The following APEH variants were observed in gnomAD, a reference collection of about 807,000 sequenced individuals.
APEH encodes acylaminoacyl-peptide hydrolase.
A neutral mutation model predicts 102.7 loss-of-function variants in APEH; 75 were observed. The observed-to-expected ratio is 0.73, with a 90% CI of 0.61 to 0.89. APEH has a LOEUF of 0.89. Ranked by LOEUF, APEH falls within the 40% of genes least tolerant of loss-of-function variation. The pLI is 0.00. For synonymous variants in APEH, 344 were observed against 362.7 expected, an observed-to-expected ratio of 0.95 and a Z score of 0.59; for missense variants, 863 against 941.2, an observed-to-expected ratio of 0.92 and a Z score of 1.09.
upstream of APEH, chr3:49,674,211 G>T (rs112009070): frequency 1.8e-3 from 1,267 of 706,828 alleles, 18 homozygotes; most frequent in African/African-American, 0.022. Context: ...CTCGCTCCCA[G>T]GCCGGGTCCT....
intron 1 of APEH, 32 bp downstream of exon 1, chr3:49,674,445 C>T (rs1559627596): frequency 1.9e-6 from 3 of 1,573,102 alleles, no homozygotes; most frequent in African/African-American, 1.3e-5. Context: ...CCCGTGGTCC[C>T]TGCAGCCCGG....
chr3:49,675,385 G>A, intron 3 of APEH, 76 bp downstream of exon 3: 1 of 1,570,162 alleles, frequency 6.4e-7, no homozygotes, highest in Non-Finnish European at 8.7e-7. Flanking sequence ...TGCTCACCAT[G>A]TGCCTAGAAG....
rs763991113 is a variant in APEH, at chr3:49,681,193, C to T, written c.1392C>T (p.Gly464=). 1.8e-5 allele frequency: 29 copies of T among 1,609,160 alleles called. No homozygotes were observed. The highest frequency in any genetic ancestry group is 2.4e-5 in the Non-Finnish European group (28 of 1,177,258). Residue 464 remains glycine (G), a synonymous_variant, in exon 15 of 22, where the codon GGC becomes GGT. Transcript: ENST00000296456. ...EAEPIPDIHW[G]IRVLQPPPEQ... ...AGCCCATTCCCGACATCCACTGGGG[C>T]ATCCGGGTGCTACAGCCACCCCCAG...
At chr3:49,675,672 C>G in intron 3 of APEH, 22 bp from the exon 4 acceptor site, 1 of 1,599,748 alleles carries the variant, frequency 6.3e-7, no homozygotes, top group African/African-American at 1.3e-5. Flanking sequence ...TAATCCTGAC[C>G]TGTGCTACCC....
intron 3 of APEH, 131 bp from the exon 4 acceptor site, chr3:49,675,563 G>A: frequency 9.8e-7 from 1 of 1,024,540 alleles, no homozygotes; most frequent in Non-Finnish European, 1.5e-6. Flanking sequence ...AAGGCAAGGT[G>A]GGGCTAGAGG....
At position 49,683,192 on chromosome 3, in the gene APEH, CAGG is replaced by C. The variant is rs1199823166; in HGVS notation, c.2094-40_2094-38del. ...CTGGCAGCTGGTGGGCAGGTGAGCA[CAGG>C]AGGACCCTCCAACCTTAAATGTTGC... On this transcript the variant is annotated intron_variant, in intron 21 of 21. Coordinates refer to ENST00000296456, the MANE Select transcript of APEH (RefSeq NM_001640.4). 13 of 1,609,834 alleles carry C rather than the reference CAGG, an allele frequency of 8.1e-6. No homozygotes were observed. The African/African-American group carries it at 1.7e-4, about 22-fold the overall frequency.
Position 49,682,609 on chromosome 3 carries a change from G to T in APEH, c.1756G>T (p.Gly586Cys). 2 of 1,614,128 alleles carry T rather than the reference G, an allele frequency of 1.2e-6. No homozygotes were observed. Among genetic ancestry groups the T allele is most frequent in the Non-Finnish European group, 1.7e-6 (2 of 1,180,028 alleles). Reference protein sequence around the residue: ...FDASHVALMGGSHGGFISCHL... With the variant: ...FDASHVALMGCSHGGFISCHL... ...TGCAAGCCATGTGGCCCTTATGGGTGGTTCCCATGGTGGCTTCATTTCCTG... is the reference window on the plus strand; with the variant it reads ...TGCAAGCCATGTGGCCCTTATGGGTTGTTCCCATGGTGGCTTCATTTCCTG... Residue 586 changes from glycine to cysteine, a missense_variant, in exon 19 of 22, where the codon GGT (glycine) becomes TGT (cysteine). By Grantham distance (159) the Gly-to-Cys change is radical. Coordinates refer to ENST00000296456, the MANE Select transcript of APEH (RefSeq NM_001640.4).
rs1466071339 is a variant in APEH, at chr3:49,676,442, T to C, written c.671T>C (p.Leu224Pro). Residue 224 changes from leucine (L) to proline (P), a missense_variant, in exon 7 of 22, where the codon CTC becomes CCC. Leu to Pro is a moderately conservative substitution (Grantham distance 98, BLOSUM62 -3). Coordinates refer to ENST00000296456, the MANE Select transcript of APEH (RefSeq NM_001640.4). ...ENMVSKSIPV[L>P]CVLDVESGNI... ...ATGGTTTCCAAAAGCATCCCTGTGC[T>C]CTGCGTGCTGGATGTCGAGAGTGGC... The C allele has an allele frequency of 6.2e-7, 1 of 1,614,264 alleles. No individual in the cohort carries two copies. The highest frequency in any genetic ancestry group is 1.7e-5 in the Admixed American group (1 of 60,038).
At chr3:49,673,801 CCTCACGCTCACG>C (rs3834791), upstream of APEH, among the ~76,000 whole-genome samples, 2,116 of 145,682 alleles carry the variant, frequency 0.015, 44 homozygotes, top group African/African-American at 0.043. Flanking sequence ...CAACCCTCAC[CCTCACGCTCACG>C]CTCACGCTCA....
chr3:49,673,779 C>T (rs1310111172), upstream of APEH, among the ~76,000 whole-genome samples: 1 of 149,272 alleles, frequency 6.7e-6, no homozygotes, highest in African/African-American at 2.4e-5. Flanking sequence ...CTGCGGCCGG[C>T]TCCGCCCCGC....
At chr3:49,678,047 C>T (rs1313965502) in intron 11 of APEH, among the ~76,000 whole-genome samples, 3 of 152,166 alleles carry the variant, frequency 2.0e-5, no homozygotes, top group Admixed American at 1.3e-4. Context: ...GATATTATCC[C>T]ATCCACCATC....
intron 3 of APEH, 131 bp from the exon 4 acceptor site, chr3:49,675,562 TG>T (rs2052992538): frequency 9.7e-7 from 1 of 1,025,742 alleles, no homozygotes; most frequent in Non-Finnish European, 1.5e-6. Flanking sequence ...AAAGGCAAGG[TG>T]GGGCTAGAGG....
intron 4 of APEH, 36 bp downstream of exon 4, chr3:49,675,823 A>G (rs1225966019): frequency 1.2e-6 from 2 of 1,612,814 alleles, no homozygotes; most frequent in South Asian, 1.1e-5. Context: ...GGGTGACAAG[A>G]GAGAGGCTCT....
chr3:49,681,772 A>G lies in APEH; in HGVS notation c.1489A>G (p.Lys497Glu). Residue 497 changes from lysine (K) to glutamate (E), a missense_variant, in exon 16 of 22, where the codon AAG (lysine) becomes GAG (glutamate). Lys to Glu is a moderately conservative substitution (Grantham distance 56). Transcript: ENST00000296456. ...GCTGCAGCCTGGCAGCCCTCCAGAT[A>G]AGACCCAAGTGCCCATGGTGGTCAT... ...ILLQPGSPPD[K>E]TQVPMVVMPH... 1 of 1,610,252 alleles carries G rather than the reference A, an allele frequency of 6.2e-7. No homozygotes were observed. Among genetic ancestry groups the G allele is most frequent in the South Asian group, 1.1e-5 (1 of 90,620 alleles).
In APEH at chr3:49,677,569, G is replaced by A. The variant is rs866520941; in HGVS notation, c.1000-4G>A. 9.9e-6 allele frequency: 16 copies of A among 1,613,228 alleles called. No individual in the cohort carries two copies. The Middle Eastern group carries it at 8.3e-4, about 83-fold the overall frequency. On this transcript the variant is annotated splice_region_variant and splice_polypyrimidine_tract_variant and intron_variant, in intron 10 of 21. Coordinates refer to ENST00000296456, the MANE Select transcript of APEH (RefSeq NM_001640.4). The stretch of plus-strand genomic sequence containing the variant: ...CTGGACCTGACCATTGTGTTCTCTT[G>A]CAGTATGACTGGTATACCAAGGTTA...
chr3:49,681,892 C>G lies in APEH; in HGVS notation c.1528C>G (p.Pro510Ala). The part of the protein sequence containing the change: ...VPMVVMPHGG[P>A]HSSFVTAWML... ...CCTCCGCTCCCTGTCTGCAGGGGGG[C>G]CCCATTCATCCTTTGTCACTGCCTG... The change falls in exon 17 of 22, where the codon CCC (proline) becomes GCC (alanine). Residue 510 changes from proline to alanine, a missense_variant. Physicochemically the swap from Pro to Ala is conservative, Grantham distance 27. Transcript: ENST00000296456. The G allele has an allele frequency of 6.2e-7, 1 of 1,614,096 alleles. No individual in the cohort carries two copies. Among genetic ancestry groups the G allele is most frequent in the Admixed American group, 1.7e-5 (1 of 60,032 alleles).
At position 49,678,896 on chromosome 3, in the gene APEH, T is replaced by C; in HGVS notation, c.1105T>C (p.Trp369Arg). ...IYCSLLPLGC[W>R]SADSQRVVFD... ...CTGCAGCCTTCTGCCTTTGGGATGC[T>C]GGTCAGCTGACAGCCAGAGAGTGGT... Residue 369 changes from tryptophan to arginine, a missense_variant, in exon 12 of 22, where the codon TGG (tryptophan) becomes CGG (arginine). Coordinates refer to ENST00000296456, the MANE Select transcript of APEH (RefSeq NM_001640.4). 1 of 1,613,950 alleles carries C rather than the reference T, an allele frequency of 6.2e-7. No individual in the cohort carries two copies. Among genetic ancestry groups the C allele is most frequent in the Non-Finnish European group, 8.5e-7 (1 of 1,179,970 alleles).
At position 49,676,461 on chromosome 3, in the gene APEH, G is replaced by C. The variant is rs745367840; in HGVS notation, c.690G>C (p.Glu230Asp). 9 of 1,614,146 alleles carry C rather than the reference G, an allele frequency of 5.6e-6. No homozygotes were observed. The highest frequency in any genetic ancestry group is 5.3e-5 in the African/African-American group (4 of 74,954). The change falls in exon 7 of 22, where the codon GAG becomes GAC. Residue 230 changes from glutamate (E) to aspartate (D), a missense_variant. Transcript: ENST00000296456. Reference sequence around the variant, plus strand: ...CTGTGCTCTGCGTGCTGGATGTCGAGAGTGGCAACATCTCTGTGCTTGAGG... The same window carrying C: ...CTGTGCTCTGCGTGCTGGATGTCGACAGTGGCAACATCTCTGTGCTTGAGG... ...SIPVLCVLDVESGNISVLEGV... is the reference protein window; with the variant it reads ...SIPVLCVLDVDSGNISVLEGV...
Position 49,675,966 on chromosome 3 carries a change from G to A in APEH, c.442G>A (p.Asp148Asn). 6.2e-7 allele frequency: 1 copy of A among 1,614,220 alleles called. No homozygotes were observed. The highest frequency in any genetic ancestry group is 8.5e-7 in the Non-Finnish European group (1 of 1,180,038). ...LEKHGPVYED[D>N]CFGCLSWSHS... The stretch of plus-strand genomic sequence containing the variant: ...GAAACATGGGCCTGTTTATGAGGAT[G>A]GTGAGGCATCTGGCTGGTGAGCAGG... The change falls in exon 5 of 22, where the codon GAC becomes AAC. Residue 148 changes from aspartate (D) to asparagine (N), a missense_variant and splice_region_variant. Transcript: ENST00000296456.
Sources: gnomAD v4.1 joint callset for allele counts (sites outside exome capture counted in the v4.1 genomes callset) on GRCh38, gnomAD v4.1.1 for gene constraint, MANE v1.5 for transcripts, NCBI Gene and HGNC (gene_info 2026-07-23, HGNC 2026-07-21) for gene names.